ADAMTSL1: variants seen among roughly 807,000 people sequenced by gnomAD.
ADAMTSL1 encodes the protein ADAMTS-like protein 1.
In ADAMTSL1, 126 loss-of-function variants were observed where a neutral mutation model predicts 201.8. The ratio of observed to expected loss-of-function variants is 0.62; its 90% confidence interval spans 0.54 to 0.72. The LOEUF is 0.72. Among genes scored for constraint, ADAMTSL1 ranks in the 30% least tolerant of loss-of-function variants. The pLI is 0.00. For missense variants in ADAMTSL1, 2,679 were observed against 2,277.8 expected (o/e 1.18, Z -3.59); for synonymous variants, 1,121 against 903.4 (o/e 1.24, Z -4.32).
chr9:18,415,401 C>T (rs1818630589), intron 2 of ADAMTSL1, among the ~76,000 whole-genome samples: 1 of 152,158 alleles, frequency 6.6e-6, no homozygotes, highest in African/African-American at 2.4e-5. Context: ...ACTTTAATAT[C>T]CAAGAGAAAA....
intron 1 of ADAMTSL1, among the ~76,000 whole-genome samples, chr9:18,075,330 A>G (rs1236539543): frequency 6.6e-6 from 1 of 152,230 alleles, no homozygotes; most frequent in Non-Finnish European, 1.5e-5. Flanking sequence ...AAAGTGAAGT[A>G]GAAGTGAGGT....
chr9:18,761,604 A>G (rs1820074304), intron 16 of ADAMTSL1, among the ~76,000 whole-genome samples: 1 of 152,086 alleles, frequency 6.6e-6, no homozygotes. Context: ...ATTTAATTTC[A>G]TTAATTTTCT....
chr9:18,152,778 A>G (rs1345767414), intron 1 of ADAMTSL1, among the ~76,000 whole-genome samples: 1 of 151,986 alleles, frequency 6.6e-6, no homozygotes, highest in Non-Finnish European at 1.5e-5. Flanking sequence ...AGAATGCAAA[A>G]AAAAAGAAAT....
intron 1 of ADAMTSL1, among the ~76,000 whole-genome samples, chr9:17,945,232 C>T (rs1174056771): frequency 7.0e-6 from 1 of 141,912 alleles, no homozygotes. Flanking sequence ...CCATCACTGA[C>T]CATCAGAGAA....
chr9:17,981,003 G>A (rs1231700952), intron 1 of ADAMTSL1, among the ~76,000 whole-genome samples: 1 of 152,106 alleles, frequency 6.6e-6, no homozygotes. Flanking sequence ...AGTGGAGGGA[G>A]AACTCACTCA....
intron 7 of ADAMTSL1, among the ~76,000 whole-genome samples, chr9:18,652,232 C>T (rs1477090843): frequency 2.6e-5 from 4 of 151,760 alleles, no homozygotes; most frequent in African/African-American, 7.3e-5. Flanking sequence ...ATTGGCTGGG[C>T]GTGGTGGCAG....
chr9:18,635,178 A>G (rs1301444967), intron 5 of ADAMTSL1, among the ~76,000 whole-genome samples: 1 of 151,868 alleles, frequency 6.6e-6, no homozygotes, highest in African/African-American at 2.4e-5. Context: ...AAAATATAAG[A>G]TACTGTCATT....
intron 2 of ADAMTSL1, among the ~76,000 whole-genome samples, chr9:18,336,631 A>G (rs527712469): frequency 6.6e-6 from 1 of 152,208 alleles, no homozygotes; most frequent in South Asian, 2.1e-4. Flanking sequence ...GTTTTTATAG[A>G]TGGGTGAAGT....
chr9:18,565,444 TG>T (rs1358315139), intron 3 of ADAMTSL1, among the ~76,000 whole-genome samples: 1 of 152,092 alleles, frequency 6.6e-6, no homozygotes, highest in Non-Finnish European at 1.5e-5. Context: ...CTTGAGAGTT[TG>T]GGGGAAAAGT....
chr9:18,143,581 G>T (rs1422190534), intron 1 of ADAMTSL1, among the ~76,000 whole-genome samples: 1 of 152,102 alleles, frequency 6.6e-6, no homozygotes, highest in Non-Finnish European at 1.5e-5. Flanking sequence ...AACCCCATGG[G>T]TCAAGTGTAG....
intron 9 of ADAMTSL1, among the ~76,000 whole-genome samples, chr9:18,671,000 C>T (rs1218476284): frequency 6.6e-6 from 1 of 151,710 alleles, no homozygotes; most frequent in African/African-American, 2.4e-5. Flanking sequence ...ATGTATAATA[C>T]CTTATAAAAT....
intron 23 of ADAMTSL1, among the ~76,000 whole-genome samples, chr9:18,876,991 T>C (rs1457543388): frequency 6.6e-6 from 1 of 152,232 alleles, no homozygotes; most frequent in African/African-American, 2.4e-5. Context: ...TTCAAAAGAC[T>C]TGTCTTCAAG....
At chr9:18,014,341 A>G (rs1286430363) in intron 1 of ADAMTSL1, among the ~76,000 whole-genome samples, 1 of 152,084 alleles carries the variant, frequency 6.6e-6, no homozygotes, top group African/African-American at 2.4e-5. Context: ...TTATAGTCAC[A>G]TCGAAGCATA....
chr9:18,861,251 A>AAAAT (rs1827197741), intron 23 of ADAMTSL1, among the ~76,000 whole-genome samples: 1 of 152,212 alleles, frequency 6.6e-6, no homozygotes, highest in African/African-American at 2.4e-5. Context: ...AGTGCTATGG[A>AAAAT]AAATAGGGAA....
chr9:18,503,861 T>C (rs752674717), intron 1 of ADAMTSL1, among the ~76,000 whole-genome samples: 2 of 152,112 alleles, frequency 1.3e-5, no homozygotes, highest in African/African-American at 4.8e-5. Flanking sequence ...CCGCACCCCA[T>C]AGCAACTGAT....
chr9:18,148,338 C>CG (rs1564026733), intron 1 of ADAMTSL1, among the ~76,000 whole-genome samples: 2 of 117,190 alleles, frequency 1.7e-5, no homozygotes, highest in African/African-American at 6.0e-5. Flanking sequence ...TCAGTGACAG[C>CG]CAAAAAAAAA....
intron 15 of ADAMTSL1, among the ~76,000 whole-genome samples, chr9:18,743,116 C>T (rs1018428190): frequency 1.4e-4 from 22 of 152,154 alleles, no homozygotes; most frequent in Admixed American, 3.9e-4. Flanking sequence ...AATGTGCTAT[C>T]ACTCAGAAGA....
At chr9:18,264,747 T>A (rs1417114084) in intron 2 of ADAMTSL1, among the ~76,000 whole-genome samples, 1 of 152,190 alleles carries the variant, frequency 6.6e-6, no homozygotes, top group East Asian at 1.9e-4. Flanking sequence ...GCCATAGATA[T>A]GATGGAAGTA....
intron 2 of ADAMTSL1, among the ~76,000 whole-genome samples, chr9:18,304,539 C>G (rs1014018954): frequency 6.6e-6 from 1 of 151,944 alleles, no homozygotes; most frequent in Non-Finnish European, 1.5e-5. Context: ...AAAACTCACA[C>G]TTAAAAACAT....
Sources: gnomAD v4.1 joint callset for allele counts (sites outside exome capture counted in the v4.1 genomes callset) on GRCh38, gnomAD v4.1.1 for gene constraint, MANE v1.5 for transcripts, NCBI Gene and HGNC (gene_info 2026-07-23, HGNC 2026-07-21) for gene names.